Variants in PLN observed in about 807,000 individuals in gnomAD.
PLN encodes phospholamban.
In PLN, 1 loss-of-function variant was observed where a neutral mutation model predicts 3.9. That is an observed-to-expected ratio of 0.26 (90% CI 0.09 to 1.23). The LOEUF (loss-of-function observed/expected upper bound fraction) is 1.23, where lower values mean the gene tolerates loss of function less well. PLN is among the 50% of genes most tolerant of loss of function. The pLI is 0.48. For missense variants in PLN, 59 were observed against 62.7 expected (o/e 0.94, Z 0.20); for synonymous variants, 21 against 20.5 (o/e 1.02, Z -0.07).
chr6:118,552,288 C>A (rs917917348), intron 1 of PLN, among the ~76,000 whole-genome samples: 1 of 151,902 alleles, frequency 6.6e-6, no homozygotes, highest in Non-Finnish European at 1.5e-5. Flanking sequence ...AGGAATACCA[C>A]CAAAAATACT....
At chr6:118,557,049 GATA>G (rs1259358802) in intron 1 of PLN, among the ~76,000 whole-genome samples, 2 of 152,134 alleles carry the variant, frequency 1.3e-5, no homozygotes, top group East Asian at 3.8e-4. Flanking sequence ...GTGGTAGTGA[GATA>G]ATAATAATTA....
intron 1 of PLN, among the ~76,000 whole-genome samples, chr6:118,557,492 A>G (rs1468823383): frequency 6.6e-6 from 1 of 152,164 alleles, no homozygotes; most frequent in Non-Finnish European, 1.5e-5. Flanking sequence ...TATTCTCCCC[A>G]CATCTGTGGG....
intron 1 of PLN, among the ~76,000 whole-genome samples, chr6:118,552,749 C>T (rs955037018): frequency 6.6e-6 from 1 of 151,752 alleles, no homozygotes; most frequent in Non-Finnish European, 1.5e-5. Context: ...GTAAAGAATT[C>T]TTTATTTTTA....
chr6:118,555,474 A>T (rs938788137), intron 1 of PLN, among the ~76,000 whole-genome samples: 3 of 151,574 alleles, frequency 2.0e-5, no homozygotes, highest in African/African-American at 7.3e-5. Flanking sequence ...AAATCTTCCC[A>T]TAATTTTCCA....
chr6:118,556,093 T>C (rs1778856308), intron 1 of PLN, among the ~76,000 whole-genome samples: 1 of 152,216 alleles, frequency 6.6e-6, no homozygotes. Context: ...CTATTGTGAA[T>C]AGTGCTGCAA....
In PLN at chr6:118,559,008, G is replaced by T. The variant is rs1779072179; in HGVS notation, c.87G>T (p.Gln29His). ...CTCAACAAGCACGTCAAAAGCTACA[G>T]AATCTATTTATCAATTTCTGTCTCA... ...EMPQQARQKLQNLFINFCLIL... is the reference protein window; with the variant it reads ...EMPQQARQKLHNLFINFCLIL... Residue 29 changes from glutamine (Q) to histidine (H), a missense_variant, in exon 2 of 2, where the codon CAG becomes CAT. Coordinates refer to ENST00000357525, the MANE Select transcript of PLN (RefSeq NM_002667.5). 2 of 1,610,204 alleles carry T rather than the reference G, an allele frequency of 1.2e-6. No individual in the cohort carries two copies. Among genetic ancestry groups the T allele is most frequent in the Non-Finnish European group, 1.7e-6 (2 of 1,176,448 alleles).
chr6:118,556,957 A>T (rs1481359199), intron 1 of PLN, among the ~76,000 whole-genome samples: 1 of 152,208 alleles, frequency 6.6e-6, no homozygotes, highest in Non-Finnish European at 1.5e-5. Context: ...CCCCACAGGC[A>T]GCAATAGCTT....
At position 118,561,444 on chromosome 6, in the gene PLN, A is replaced by C. The variant is rs919489138; in HGVS notation, c.*2364A>C. Among the ~76,000 whole-genome samples, 2 of 152,274 alleles carry C rather than the reference A, an allele frequency of 1.3e-5. No homozygotes were observed. The highest frequency in any genetic ancestry group is 3.9e-4 in the East Asian group (2 of 5,190). On this transcript the variant is annotated 3_prime_UTR_variant, in exon 2 of 2. Coordinates refer to ENST00000357525, the MANE Select transcript of PLN (RefSeq NM_002667.5). ...TGAGGATTACAGAATACTATAACTC[A>C]AATTATAAAGTAGAATAAACTCTTT... is the stretch of plus-strand genomic sequence containing the variant.
intron 1 of PLN, among the ~76,000 whole-genome samples, 165 bp from the exon 2 acceptor site, chr6:118,558,660 C>CAGAGAGAGAG (rs369698272): frequency 8.2e-6 from 1 of 122,216 alleles, no homozygotes; most frequent in African/African-American, 3.2e-5. Flanking sequence ...CACACACACA[C>CAGAGAGAGAG]AGAGAGAGAG....
At chr6:118,552,644 T>C (rs1356408345) in intron 1 of PLN, among the ~76,000 whole-genome samples, 1 of 151,818 alleles carries the variant, frequency 6.6e-6, no homozygotes, top group Non-Finnish European at 1.5e-5. Context: ...AAAACCAGAA[T>C]ACCATCTTGA....
At chr6:118,549,140 A>G (rs1258658523) in intron 1 of PLN, among the ~76,000 whole-genome samples, 2 of 151,820 alleles carry the variant, frequency 1.3e-5, no homozygotes, top group Non-Finnish European at 2.9e-5. Context: ...TTGATACTTT[A>G]AAAAGTTATT....
intron 1 of PLN, among the ~76,000 whole-genome samples, chr6:118,557,824 T>C (rs1053547709): frequency 6.6e-6 from 1 of 152,248 alleles, no homozygotes; most frequent in East Asian, 1.9e-4. Context: ...CCCACCGTAT[T>C]TGAATTGTTT....
intron 1 of PLN, among the ~76,000 whole-genome samples, chr6:118,557,882 A>G (rs1201745623): frequency 1.3e-5 from 2 of 152,040 alleles, no homozygotes; most frequent in African/African-American, 4.8e-5. Flanking sequence ...TCATTTCTCA[A>G]ACATGATTCC....
chr6:118,552,734 G>C (rs576112726), intron 1 of PLN, among the ~76,000 whole-genome samples: 149 of 151,580 alleles, frequency 9.8e-4, no homozygotes, highest in African/African-American at 3.4e-3. Context: ...ATCCCACAAA[G>C]AATAGTAAAG....
intron 1 of PLN, among the ~76,000 whole-genome samples, chr6:118,552,253 C>A (rs977516167): frequency 9.2e-5 from 14 of 151,762 alleles, no homozygotes; most frequent in African/African-American, 3.1e-4. Flanking sequence ...CATAAAGAAT[C>A]CCAGGAATTT....
Position 118,557,642 on chromosome 6 carries a change from CCTT to C in PLN, c.-97-1182_-97-1180del, listed in dbSNP as rs1190108567. Among the ~76,000 whole-genome samples the C allele has an allele frequency of 2.6e-5, 4 of 152,252 alleles. No homozygotes were observed. The East Asian group carries it at 7.7e-4, about 29-fold the overall frequency. ...TCCTATCCAAGGTGGGTTCCTCCCT[CCTT>C]GAGCTGCTGGGATTGGCTCCAGCCA... On this transcript the variant is annotated intron_variant, in intron 1 of 1. Coordinates refer to ENST00000357525, the MANE Select transcript of PLN (RefSeq NM_002667.5).
intron 1 of PLN, among the ~76,000 whole-genome samples, chr6:118,549,273 C>T (rs986475379): frequency 9.9e-5 from 15 of 151,758 alleles, no homozygotes; most frequent in Admixed American, 9.2e-4. Context: ...TTTCCTCTCT[C>T]GGATTTAGAA....
chr6:118,555,977 G>C (rs548626326), intron 1 of PLN, among the ~76,000 whole-genome samples: 8 of 152,278 alleles, frequency 5.3e-5, no homozygotes, highest in Non-Finnish European at 8.8e-5. Context: ...CAAAAGACAT[G>C]ATATCATTCT....
chr6:118,557,200 C>A (rs1436997154), intron 1 of PLN, among the ~76,000 whole-genome samples: 3 of 152,120 alleles, frequency 2.0e-5, no homozygotes, highest in Non-Finnish European at 4.4e-5. Context: ...TAAAACACTT[C>A]CCATTTAACA....
Sources: allele counts gnomAD v4.1 joint callset (sites outside exome capture counted in the v4.1 genomes callset), GRCh38; gene constraint gnomAD v4.1.1; transcripts MANE v1.5; gene names NCBI Gene and HGNC (gene_info 2026-07-23, HGNC 2026-07-21).